The following AFAP1 variants were observed in gnomAD, a reference collection of about 807,000 sequenced individuals.
AFAP1 encodes the protein actin filament associated protein 1, also known as actin filament-associated protein 1.
AFAP1 carries 75 observed loss-of-function variants against 93.9 expected under a neutral mutation model. The observed-to-expected ratio is 0.80, with a 90% CI of 0.66 to 0.97. The LOEUF (loss-of-function observed/expected upper bound fraction) is 0.97, where lower values mean the gene tolerates loss of function less well. Ranked by LOEUF, AFAP1 falls within the 50% of genes least tolerant of loss-of-function variation. The pLI, the probability that AFAP1 is intolerant of heterozygous loss-of-function variation, is 0.00. For synonymous variants in AFAP1, 517 were observed against 430.7 expected (o/e 1.20, Z -2.48); for missense variants, 1,201 against 1,050.8 (o/e 1.14, Z -1.98).
At chr4:7,909,071 G>A (rs4549363) in intron 1 of AFAP1, among the ~76,000 whole-genome samples, 39,796 of 152,056 alleles carry the variant, frequency 0.26, 5,464 homozygotes, top group South Asian at 0.4. Flanking sequence ...TCTTTGGTTC[G>A]AGGGGTAAGG....
chr4:7,789,529 C>A (rs1374833026), intron 11 of AFAP1, among the ~76,000 whole-genome samples: 1 of 135,750 alleles, frequency 7.4e-6, no homozygotes, highest in African/African-American at 3.3e-5. Context: ...TCCGCACAAG[C>A]CCCTGCTTTC....
chr4:7,931,058 A>T (rs1328057790), intron 1 of AFAP1, among the ~76,000 whole-genome samples: 2 of 152,150 alleles, frequency 1.3e-5, no homozygotes, highest in Non-Finnish European at 2.9e-5. Flanking sequence ...CCTCACTATC[A>T]CAATAATTAT....
intron 6 of AFAP1, among the ~76,000 whole-genome samples, chr4:7,827,454 C>G (rs1322364995): frequency 2.0e-5 from 3 of 151,552 alleles, no homozygotes; most frequent in African/African-American, 7.3e-5. Context: ...GCCTGTAATC[C>G]CAGCTACTTG....
chr4:7,832,820 T>C (rs1280587937), intron 6 of AFAP1, among the ~76,000 whole-genome samples: 3 of 151,856 alleles, frequency 2.0e-5, no homozygotes, highest in East Asian at 1.9e-4. Context: ...AATAGGCAAA[T>C]AGGCCTAGGG....
chr4:7,797,346 G>GA lies in AFAP1; in HGVS notation c.1266+3095dup, dbSNP rs940885536. 6.4e-4 allele frequency among the ~76,000 whole-genome samples: 97 copies of GA among 152,236 alleles called. 1 individual carries two copies. The highest frequency in any genetic ancestry group is 2.1e-3 in the African/African-American group (89 of 41,548). ...ATCTTCCCACATGAGACTTAGAGGGGAAAAATGCAGTCAATTTACAGTGGG... is the reference window on the plus strand; with the variant it reads ...ATCTTCCCACATGAGACTTAGAGGGGAAAAAATGCAGTCAATTTACAGTGGG... On this transcript the variant is annotated intron_variant, in intron 10 of 17. Transcript: ENST00000420658.
chr4:7,895,325 G>C (rs1235538343), intron 1 of AFAP1, among the ~76,000 whole-genome samples: 1 of 152,166 alleles, frequency 6.6e-6, no homozygotes, highest in Non-Finnish European at 1.5e-5. Flanking sequence ...ATTTAGCACA[G>C]TCCTTAGCTC....
chr4:7,852,617 GA>G (rs1714575222), intron 4 of AFAP1, among the ~76,000 whole-genome samples: 1 of 152,102 alleles, frequency 6.6e-6, no homozygotes. Flanking sequence ...AAAGGAAGCT[GA>G]ATCACCCACC....
At chr4:7,876,409 A>C (rs1050877575) in intron 1 of AFAP1, among the ~76,000 whole-genome samples, 1 of 152,262 alleles carries the variant, frequency 6.6e-6, no homozygotes, top group Non-Finnish European at 1.5e-5. Context: ...ACAGTCAATC[A>C]GATCTTCCAT....
intron 1 of AFAP1, among the ~76,000 whole-genome samples, chr4:7,875,214 C>T (rs1304680942): frequency 6.6e-6 from 1 of 152,168 alleles, no homozygotes; most frequent in Non-Finnish European, 1.5e-5. Context: ...TTCTGTAAGT[C>T]TACAACATCC....
At chr4:7,778,936 CTTTTT>C in intron 13 of AFAP1, 60 bp from the exon 14 acceptor site, 1 of 1,125,882 alleles carries the variant, frequency 8.9e-7, no homozygotes. Context: ...AAATCTTGGT[CTTTTT>C]TTTTTCTGGA....
At chr4:7,864,835 G>A (rs1438932416) in intron 3 of AFAP1, among the ~76,000 whole-genome samples, 1 of 152,210 alleles carries the variant, frequency 6.6e-6, no homozygotes, top group African/African-American at 2.4e-5. Context: ...AAACTAGGCA[G>A]GGCACAGTGG....
intron 5 of AFAP1, among the ~76,000 whole-genome samples, chr4:7,841,826 G>C (rs1429590861): frequency 2.6e-5 from 4 of 151,588 alleles, no homozygotes; most frequent in Non-Finnish European, 5.9e-5. Flanking sequence ...TTTTGAAGGG[G>C]GAAAGCTGGC....
rs546631099 is a variant in AFAP1 at position 7,793,732 on chromosome 4, A to G, written c.1361T>C (p.Ile454Thr). 6.3e-6 allele frequency: 10 copies of G among 1,579,604 alleles called. No homozygotes were observed. Among genetic ancestry groups the G allele is most frequent in the Admixed American group, 5.0e-5 (3 of 59,660 alleles). Reference sequence around the variant, plus strand: ...GACACTTGCAGACATCTCCACATCAATGTAGTCATAGTGCAGAGCCTCCGG... The same window carrying G: ...GACACTTGCAGACATCTCCACATCAGTGTAGTCATAGTGCAGAGCCTCCGG... ...TDPEALHYDY[I>T]DVEMSASVIQ... is the part of the protein sequence containing the mutation. The change falls in exon 11 of 18, where the codon ATT (isoleucine) becomes ACT (threonine). Residue 454 changes from isoleucine (I) to threonine (T), a missense_variant. Physicochemically the swap from Ile to Thr is moderately conservative, Grantham distance 89. Coordinates refer to ENST00000420658, the MANE Select transcript of AFAP1 (RefSeq NM_001134647.2).
intron 1 of AFAP1, among the ~76,000 whole-genome samples, chr4:7,880,131 G>A (rs776266740): frequency 2.6e-5 from 4 of 152,134 alleles, no homozygotes; most frequent in Admixed American, 6.5e-5. Flanking sequence ...GGCTCAGGCC[G>A]GGCAGTGAGT....
In AFAP1 at chr4:7,832,657, A is replaced by T. The variant is rs115019899; in HGVS notation, c.726+5867T>A. Among the ~76,000 whole-genome samples, 335 of 111,174 alleles carry T rather than the reference A, an allele frequency of 3.0e-3. 1 individual carries two copies. Among genetic ancestry groups the T allele is most frequent in the African/African-American group, 0.012 (320 of 27,164 alleles). 72.9% of individuals were successfully genotyped at this position (111,174 alleles called of 152,430 possible). Reference sequence around the variant, plus strand: ...TCACAGAACTAGAAAAAACAATCCTAAAATTCATATGTTAAAAAAAAAAAA... The same window carrying T: ...TCACAGAACTAGAAAAAACAATCCTTAAATTCATATGTTAAAAAAAAAAAA... On this transcript the variant is annotated intron_variant, in intron 6 of 17. Transcript: ENST00000420658.
intron 9 of AFAP1, among the ~76,000 whole-genome samples, chr4:7,805,207 A>G (rs1719395130): frequency 6.6e-6 from 1 of 152,094 alleles, no homozygotes; most frequent in African/African-American, 2.4e-5. Flanking sequence ...GGCTTCGTCT[A>G]CTTTTCGTGG....
intron 1 of AFAP1, among the ~76,000 whole-genome samples, chr4:7,882,417 A>T (rs1334293434): frequency 1.3e-5 from 2 of 151,698 alleles, no homozygotes; most frequent in Non-Finnish European, 2.9e-5. Context: ...TTTGAAGCAA[A>T]TATAAATGTG....
intron 4 of AFAP1, among the ~76,000 whole-genome samples, chr4:7,848,964 A>AG (rs1175979959): frequency 1.3e-5 from 2 of 152,244 alleles, no homozygotes; most frequent in Non-Finnish European, 2.9e-5. Flanking sequence ...CAGGCACATC[A>AG]GAGCCAGCAA....
intron 1 of AFAP1, among the ~76,000 whole-genome samples, chr4:7,898,309 G>A (rs926634048): frequency 6.6e-6 from 1 of 152,098 alleles, no homozygotes; most frequent in East Asian, 1.9e-4. Context: ...TCGGGAGGCT[G>A]AGGCAGGAGA....
Sources: allele counts gnomAD v4.1 joint callset (sites outside exome capture counted in the v4.1 genomes callset), GRCh38; gene constraint gnomAD v4.1.1; transcripts MANE v1.5; gene names NCBI Gene and HGNC (gene_info 2026-07-23, HGNC 2026-07-21).